CELF2: variants seen among roughly 807,000 people sequenced by gnomAD.
CELF2 encodes CUGBP Elav-like family member 2.
CELF2 carries 8 observed loss-of-function variants against 62.6 expected under a neutral mutation model. The observed-to-expected ratio is 0.13, with a 90% CI of 0.07 to 0.23. The LOEUF (loss-of-function observed/expected upper bound fraction) is 0.23. Among genes scored for constraint, CELF2 ranks in the 10% least tolerant of loss-of-function variants. The pLI, the probability that CELF2 is intolerant of heterozygous loss-of-function variation, is 1.00. For missense variants in CELF2, 333 were observed against 671.0 expected (o/e 0.50, Z 5.56); for synonymous variants, 258 against 250.0 (o/e 1.03, Z -0.30).
chr10:10,895,082 A>T (rs1348312556), intron 1 of CELF2, among the ~76,000 whole-genome samples: 1 of 152,176 alleles, frequency 6.6e-6, no homozygotes, highest in Non-Finnish European at 1.5e-5. Flanking sequence ...TTCACAGACG[A>T]GATACTGAGG....
At chr10:10,630,982 C>G in the CELF2 span, among the ~76,000 whole-genome samples, 1 of 152,062 alleles carries the variant, frequency 6.6e-6, no homozygotes, top group Non-Finnish European at 1.5e-5. Flanking sequence ...GTGACAGTTG[C>G]CAGGGGAGCT....
intron 1 of CELF2, among the ~76,000 whole-genome samples, chr10:11,077,966 C>G (rs188770070): frequency 6.6e-6 from 1 of 152,170 alleles, no homozygotes; most frequent in East Asian, 1.9e-4. Flanking sequence ...CAAAGTAATC[C>G]TTGAGAAAAG....
chr10:10,938,591 G>T lies in CELF2; in HGVS notation c.89+18592G>T, dbSNP rs1407471694. Among the ~76,000 whole-genome samples the T allele has an allele frequency of 6.6e-6, 1 of 152,180 alleles. No homozygotes were observed. On this transcript the variant is annotated intron_variant, in intron 2 of 13. Coordinates refer to the CELF2 transcript ENST00000636488. The surrounding 1 kb of genome is among the most constrained non-coding windows in gnomAD (Gnocchi z 4.2). ...AGCATTCTGCTATTTGAATTACTTG[G>T]GGGAAAACAGGAGTTGTATGACAAT...
chr10:10,542,705 A>G, the CELF2 span, among the ~76,000 whole-genome samples: 3 of 152,292 alleles, frequency 2.0e-5, no homozygotes, highest in Non-Finnish European at 4.4e-5. Context: ...GAAGCAGGGG[A>G]AAAAAATTAG....
intron 1 of CELF2, among the ~76,000 whole-genome samples, chr10:11,006,023 G>C (rs1175238270): frequency 6.6e-6 from 1 of 152,178 alleles, no homozygotes; most frequent in Non-Finnish European, 1.5e-5. Context: ...TTTGTTTCCT[G>C]CCTCTGTGTT....
At chr10:11,153,781 G>A (rs2063776977) in intron 1 of CELF2, among the ~76,000 whole-genome samples, 1 of 152,200 alleles carries the variant, frequency 6.6e-6, no homozygotes, top group African/African-American at 2.4e-5. Context: ...CCCTAAACTG[G>A]CATCTTGTGG....
At chr10:10,880,483 C>T (rs1193010244) in intron 1 of CELF2, among the ~76,000 whole-genome samples, 1 of 152,116 alleles carries the variant, frequency 6.6e-6, no homozygotes, top group South Asian at 2.1e-4. Flanking sequence ...TGCTAAGGAG[C>T]CTATCTCCTT....
At chr10:11,065,661 A>G (rs760427389) in intron 1 of CELF2, among the ~76,000 whole-genome samples, 93 of 151,852 alleles carry the variant, frequency 6.1e-4, no homozygotes, top group African/African-American at 2.1e-3. Context: ...CCTTCAAAAC[A>G]TGTTTATGGA....
At chr10:11,141,324 A>G (rs1487623742) in intron 1 of CELF2, among the ~76,000 whole-genome samples, 1 of 152,224 alleles carries the variant, frequency 6.6e-6, no homozygotes, top group African/African-American at 2.4e-5. Flanking sequence ...GATGGAGGAC[A>G]TTGGAAGGGT....
chr10:10,503,042 C>T, the CELF2 span, among the ~76,000 whole-genome samples: 2 of 152,032 alleles, frequency 1.3e-5, no homozygotes, highest in South Asian at 2.1e-4. Flanking sequence ...GAATATTTCC[C>T]TATCATTCTG....
chr10:11,255,744 C>G lies in CELF2; in HGVS notation c.404-1994C>G, dbSNP rs548425427. On this transcript the variant is annotated intron_variant, in intron 4 of 12. Transcript: ENST00000633077. This position sits in a 1 kb window ranked among gnomAD's most constrained non-coding sequence, Gnocchi z 5.5. ...CCGAGTATGTCACAGGCCACCTTCTCTCCATTTCTAGGAGAGAAAAGAGTC... is the reference window on the plus strand; with the variant it reads ...CCGAGTATGTCACAGGCCACCTTCTGTCCATTTCTAGGAGAGAAAAGAGTC... Among the ~76,000 whole-genome samples the G allele has an allele frequency of 6.6e-6, 1 of 152,284 alleles. No homozygotes were observed. The highest frequency in any genetic ancestry group is 2.4e-5 in the African/African-American group (1 of 41,550).
At chr10:10,779,226 T>TG in the CELF2 span, among the ~76,000 whole-genome samples, 2 of 152,234 alleles carry the variant, frequency 1.3e-5, no homozygotes, top group African/African-American at 2.4e-5. Flanking sequence ...GTTTAAAGAA[T>TG]AGTTTCAAAA....
chr10:10,981,091 A>G (rs1380570558), intron 2 of CELF2, among the ~76,000 whole-genome samples: 1 of 152,224 alleles, frequency 6.6e-6, no homozygotes, highest in African/African-American at 2.4e-5. Context: ...TGACACGCCC[A>G]CTGAAGTCCC....
At chr10:11,164,307 T>A (rs571117152) in intron 1 of CELF2, among the ~76,000 whole-genome samples, 1 of 152,294 alleles carries the variant, frequency 6.6e-6, no homozygotes, top group East Asian at 1.9e-4. Flanking sequence ...TACTGTTTAT[T>A]CCTGCTCAAA....
At chr10:11,325,016 C>T (rs949139892) in intron 11 of CELF2, among the ~76,000 whole-genome samples, 1 of 152,116 alleles carries the variant, frequency 6.6e-6, no homozygotes, top group Non-Finnish European at 1.5e-5. Flanking sequence ...ACATGGTGCT[C>T]ATATGGGTGG....
chr10:10,939,149 G>A (rs5010645), intron 2 of CELF2, among the ~76,000 whole-genome samples: 28,267 of 87,872 alleles, frequency 0.32, 4,377 homozygotes, highest in East Asian at 0.61. Context: ...TATCAGTGTG[G>A]CCGCTATTGT....
chr10:10,630,917 C>A, the CELF2 span, among the ~76,000 whole-genome samples: 2 of 152,176 alleles, frequency 1.3e-5, no homozygotes, highest in Admixed American at 6.5e-5. Flanking sequence ...TAAGGAGCTG[C>A]GGAGTGCACA....
intron 2 of CELF2, among the ~76,000 whole-genome samples, chr10:11,172,729 C>T (rs1041774932): frequency 1.1e-4 from 16 of 152,254 alleles, no homozygotes; most frequent in African/African-American, 3.1e-4. Context: ...ACCGACAGAG[C>T]GAGCTAATAT....
At chr10:10,675,435 T>A in the CELF2 span, among the ~76,000 whole-genome samples, 1 of 152,166 alleles carries the variant, frequency 6.6e-6, no homozygotes, top group East Asian at 1.9e-4. Context: ...TTCTTTTGTT[T>A]GAAAATGAAA....
Sources: gnomAD v4.1 joint callset for allele counts (sites outside exome capture counted in the v4.1 genomes callset) on GRCh38, gnomAD v4.1.1 for gene constraint, Gnocchi (gnomAD v3.1) non-coding constraint, MANE v1.5 for transcripts, NCBI Gene and HGNC (gene_info 2026-07-23, HGNC 2026-07-21) for gene names.